Variants in AUTS2 observed in about 807,000 individuals in gnomAD.
The protein encoded by AUTS2 is autism susceptibility gene 2 protein.
Under a neutral mutation model 112.4 loss-of-function variants are expected in AUTS2, and 17 were observed. That is an observed-to-expected ratio of 0.15 (90% CI 0.10 to 0.23). The LOEUF (loss-of-function observed/expected upper bound fraction) is 0.23, where lower values mean the gene tolerates loss of function less well. Among genes scored for constraint, AUTS2 ranks in the 10% least tolerant of loss-of-function variants. The probability of loss-of-function intolerance (pLI) is 1.00; values close to 1 mark genes in which losing one functional copy is unlikely to be tolerated. For missense variants in AUTS2, 1,510 were observed against 1,701.6 expected (o/e 0.89, Z 1.98); for synonymous variants, 751 against 702.7 (o/e 1.07, Z -1.09).
chr7:70,134,679 T>A, intron 4 of AUTS2, 108 bp downstream of exon 4: 1 of 1,025,812 alleles, frequency 9.7e-7, no homozygotes, highest in East Asian at 2.4e-5. Context: ...TCTCTCTCAG[T>A]CCTAAAGAGC....
chr7:69,957,115 A>G (rs1483322705), intron 2 of AUTS2, among the ~76,000 whole-genome samples: 1 of 150,986 alleles, frequency 6.6e-6, no homozygotes, highest in African/African-American at 2.4e-5. Context: ...TGCTGAAGCA[A>G]TTCGCCTGCC....
At chr7:69,765,364 G>A (rs987177432) in intron 1 of AUTS2, among the ~76,000 whole-genome samples, 2 of 152,156 alleles carry the variant, frequency 1.3e-5, no homozygotes, top group African/African-American at 4.8e-5. Context: ...AATTCAAAGC[G>A]GGTGTATTCT....
chr7:69,966,937 CT>C (rs1584503827), intron 2 of AUTS2, among the ~76,000 whole-genome samples: 3 of 152,148 alleles, frequency 2.0e-5, no homozygotes, highest in African/African-American at 7.2e-5. Flanking sequence ...CTGCTGAGTA[CT>C]AGGAGCTGTT....
chr7:70,762,413 A>G (rs945273387), intron 6 of AUTS2, among the ~76,000 whole-genome samples: 1 of 151,782 alleles, frequency 6.6e-6, no homozygotes, highest in African/African-American at 2.4e-5. Context: ...CTTGGACTGT[A>G]GTACACACCA....
intron 2 of AUTS2, among the ~76,000 whole-genome samples, chr7:69,906,661 G>T (rs1201884898): frequency 1.3e-5 from 2 of 152,240 alleles, no homozygotes; most frequent in Non-Finnish European, 2.9e-5. Context: ...GCAATTCTGT[G>T]TGGTAAATGT....
chr7:69,779,516 C>A (rs576352631), intron 1 of AUTS2, among the ~76,000 whole-genome samples: 2 of 152,038 alleles, frequency 1.3e-5, no homozygotes, highest in Non-Finnish European at 2.9e-5. Flanking sequence ...GTAATCCCAG[C>A]ACTTTGGAAG....
intron 2 of AUTS2, among the ~76,000 whole-genome samples, chr7:69,926,788 A>G (rs1375043212): frequency 6.8e-6 from 1 of 146,904 alleles, no homozygotes; most frequent in Non-Finnish European, 1.5e-5. Context: ...AAGATATATA[A>G]ATATATATAA....
At position 70,385,967 on chromosome 7, in the gene AUTS2, G is replaced by GC. The variant is rs556553480; in HGVS notation, c.661-49785_661-49784insC. Among the ~76,000 whole-genome samples the GC allele has an allele frequency of 1.4e-3, 218 of 152,268 alleles. 1 individual carries two copies. Among genetic ancestry groups the GC allele is most frequent in the African/African-American group, 2.0e-3 (85 of 41,558 alleles). On this transcript the variant is annotated intron_variant, in intron 4 of 18. Coordinates refer to ENST00000342771, the MANE Select transcript of AUTS2 (RefSeq NM_015570.4). ...ACAACACAGAGATTTGCCAGCCCAG[G>GC]TTTCATAGAAACATAGACGTTGGTC...
chr7:69,848,072 TAG>T (rs1321311370), intron 1 of AUTS2, among the ~76,000 whole-genome samples: 1 of 152,170 alleles, frequency 6.6e-6, no homozygotes, highest in Admixed American at 6.5e-5. Flanking sequence ...TGTAAGTCAT[TAG>T]AGACTGGCAG....
At chr7:69,853,248 C>G (rs1792569278) in intron 1 of AUTS2, among the ~76,000 whole-genome samples, 1 of 152,158 alleles carries the variant, frequency 6.6e-6, no homozygotes, top group Non-Finnish European at 1.5e-5. Flanking sequence ...TAGTCTCCAA[C>G]TACCTTTTGT....
intron 1 of AUTS2, among the ~76,000 whole-genome samples, chr7:69,802,618 C>G (rs1790133702): frequency 6.6e-6 from 1 of 152,168 alleles, no homozygotes; most frequent in African/African-American, 2.4e-5. Flanking sequence ...TAGGTTCTTT[C>G]TGAACCTTAG....
At chr7:70,458,687 G>T (rs1796844434) in intron 5 of AUTS2, among the ~76,000 whole-genome samples, 1 of 152,136 alleles carries the variant, frequency 6.6e-6, no homozygotes, top group Non-Finnish European at 1.5e-5. Flanking sequence ...GCAATTGGTG[G>T]GGAATTTTTT....
intron 5 of AUTS2, among the ~76,000 whole-genome samples, chr7:70,515,194 T>G (rs1334283751): frequency 3.9e-5 from 6 of 152,050 alleles, no homozygotes; most frequent in Non-Finnish European, 8.8e-5. Flanking sequence ...TGAGGGTTAT[T>G]AAAATGAGGA....
At chr7:70,572,960 G>A (rs753025770) in intron 5 of AUTS2, among the ~76,000 whole-genome samples, 3 of 152,212 alleles carry the variant, frequency 2.0e-5, no homozygotes, top group African/African-American at 7.2e-5. Context: ...TTCATGAAGG[G>A]AAATCAATTA....
At chr7:69,904,278 T>G (rs1392450007) in intron 2 of AUTS2, among the ~76,000 whole-genome samples, 3 of 152,250 alleles carry the variant, frequency 2.0e-5, no homozygotes, top group Non-Finnish European at 4.4e-5. Flanking sequence ...TTAGACTTAC[T>G]GCTTTTGTCT....
intron 6 of AUTS2, among the ~76,000 whole-genome samples, chr7:70,739,860 A>G (rs1373344143): frequency 1.3e-5 from 2 of 151,238 alleles, no homozygotes; most frequent in East Asian, 3.9e-4. Flanking sequence ...TCTGTTCCCC[A>G]TGTAGTTGTT....
intron 1 of AUTS2, among the ~76,000 whole-genome samples, chr7:69,819,018 C>T (rs1172807893): frequency 1.3e-5 from 2 of 152,108 alleles, no homozygotes; most frequent in Non-Finnish European, 1.5e-5. Flanking sequence ...ACCAATCTGC[C>T]AAGAGGGGCA....
intron 4 of AUTS2, among the ~76,000 whole-genome samples, chr7:70,283,045 T>C (rs888780879): frequency 5.9e-5 from 9 of 152,208 alleles, no homozygotes; most frequent in Non-Finnish European, 1.2e-4. Flanking sequence ...ATTTATATAC[T>C]ATAGTAGGGT....
At chr7:70,115,311 C>T (rs1405438114) in intron 2 of AUTS2, among the ~76,000 whole-genome samples, 1 of 152,146 alleles carries the variant, frequency 6.6e-6, no homozygotes, top group African/African-American at 2.4e-5. Context: ...GGATATGTAT[C>T]TCTCATCTAA....
Sources: gnomAD v4.1 joint callset for allele counts (sites outside exome capture counted in the v4.1 genomes callset) on GRCh38, gnomAD v4.1.1 for gene constraint, MANE v1.5 for transcripts, NCBI Gene and HGNC (gene_info 2026-07-23, HGNC 2026-07-21) for gene names.